Variants in TMEM54 observed in about 807,000 individuals in gnomAD.
TMEM54 encodes beta-casein-like protein.
In TMEM54, 21 loss-of-function variants were observed where a neutral mutation model predicts 21.3. The ratio of observed to expected loss-of-function variants is 0.99; its 90% confidence interval spans 0.70 to 1.42. The LOEUF (loss-of-function observed/expected upper bound fraction) is 1.42. TMEM54 is among the 40% of genes most tolerant of loss of function. The pLI, the probability that TMEM54 is intolerant of heterozygous loss-of-function variation, is 0.00. For synonymous variants in TMEM54, 109 were observed against 125.0 expected (o/e 0.87, Z 0.86); for missense variants, 246 against 294.0 (o/e 0.84, Z 1.19).
rs572529193 is a variant in TMEM54, at chr1:32,897,356, G to A, written c.210+770C>T. On this transcript the variant is annotated intron_variant, in intron 2 of 5. Transcript: ENST00000373463. The surrounding 1 kb of genome is among the most constrained non-coding windows in gnomAD (Gnocchi z 4.9). The stretch of plus-strand genomic sequence containing the variant: ...GGAACTCAGACACTGATGTGCGGGA[G>A]GATCTTCCCCCGAGGCTGTGGCCAC... Among the ~76,000 whole-genome samples, 94 of 152,322 alleles carry A rather than the reference G, an allele frequency of 6.2e-4. No individual in the cohort carries two copies. The highest frequency in any genetic ancestry group is 2.3e-3 in the African/African-American group (94 of 41,564).
Position 32,895,805 on chromosome 1 carries a change from C to T in TMEM54, c.271-62G>A. ...CTTGGCCCCCATGGGCAGCTCTGGC[C>T]TCCCTGAGGGTCAGCCTTACCCTCT... On this transcript the variant is annotated intron_variant, in intron 3 of 5. Coordinates refer to ENST00000373463, the MANE Select transcript of TMEM54 (RefSeq NM_033504.4). The surrounding 1 kb of genome is among the most constrained non-coding windows in gnomAD (Gnocchi z 5.8). 6.5e-7 allele frequency: 1 copy of T among 1,548,954 alleles called. No homozygotes were observed. Among genetic ancestry groups the T allele is most frequent in the Non-Finnish European group, 8.7e-7 (1 of 1,146,262 alleles).
Position 32,895,011 on chromosome 1 carries a change from C to T in TMEM54, c.595-132G>A, listed in dbSNP as rs758184497. ...GGCAAAGGGGCATCACTACCCACTC[C>T]ACTGCAAGAGCCAGGCCTGACCTTT... On this transcript the variant is annotated intron_variant, in intron 5 of 5. Coordinates refer to ENST00000373463, the MANE Select transcript of TMEM54 (RefSeq NM_033504.4). The surrounding 1 kb of genome is among the most constrained non-coding windows in gnomAD (Gnocchi z 5.8). 1.9e-5 allele frequency: 28 copies of T among 1,471,380 alleles called. No individual in the cohort carries two copies. Among genetic ancestry groups the T allele is most frequent in the Non-Finnish European group, 2.4e-5 (27 of 1,102,578 alleles). 91.1% of individuals were successfully genotyped at this position (1,471,380 alleles called of 1,614,324 possible). A position where few individuals can be genotyped will look rare whatever the true frequency, so the allele number is the denominator to read the frequency against.
rs571263997 is a variant in TMEM54 at position 32,896,638 on chromosome 1, G to A, written c.211-669C>T. 4.6e-5 allele frequency among the ~76,000 whole-genome samples: 7 copies of A among 152,380 alleles called. No homozygotes were observed. Among genetic ancestry groups the A allele is most frequent in the Non-Finnish European group, 8.8e-5 (6 of 68,042 alleles). ...CCCTAACCAGCCTCGATCCCAAGGG[G>A]TGGGGCTACCCCACAGTTCAGCCCA... On this transcript the variant is annotated intron_variant, in intron 2 of 5. Coordinates refer to ENST00000373463, the MANE Select transcript of TMEM54 (RefSeq NM_033504.4). This position sits in a 1 kb window ranked among gnomAD's most constrained non-coding sequence, Gnocchi z 4.1.
In TMEM54 at chr1:32,896,167, A is replaced by G. The variant is rs984267856; in HGVS notation, c.211-198T>C. The G allele has an allele frequency of 2.1e-5, 12 of 561,350 alleles. No individual in the cohort carries two copies. The highest frequency in any genetic ancestry group is 2.0e-4 in the Admixed American group (6 of 29,802). The allele number at this position is 561,350 out of a possible 1,614,324, so 34.8% of individuals were successfully genotyped here. On this transcript the variant is annotated intron_variant, in intron 2 of 5. Coordinates refer to ENST00000373463, the MANE Select transcript of TMEM54 (RefSeq NM_033504.4). This position sits in a 1 kb window ranked among gnomAD's most constrained non-coding sequence, Gnocchi z 4.1. ...GTCCAGCCTGACATGATGTTTCTAA[A>G]ACAGTCACTCCCTCTCTACAACCTT...
Position 32,901,089 on chromosome 1 carries a change from C to T in TMEM54, c.16+134G>A, listed in dbSNP as rs930567687. 4 of 979,460 alleles carry T rather than the reference C, an allele frequency of 4.1e-6. No homozygotes were observed. Among genetic ancestry groups the T allele is most frequent in the South Asian group, 8.9e-5 (2 of 22,546 alleles). 60.7% of individuals were successfully genotyped at this position (979,460 alleles called of 1,614,324 possible). ...AGGCCCAGAGAGGAAAGTGACCCGA[C>T]CCCGGCCTCGTAGTAAGTTAGAGGC... On this transcript the variant is annotated intron_variant, in intron 1 of 5. Transcript: ENST00000373463. The surrounding 1 kb of genome is among the most constrained non-coding windows in gnomAD (Gnocchi z 4.2).
chr1:32,901,170 C>G lies in TMEM54; in HGVS notation c.16+53G>C. 1 of 1,435,434 alleles carries G rather than the reference C, an allele frequency of 7.0e-7. No homozygotes were observed. The highest frequency in any genetic ancestry group is 1.5e-5 in the South Asian group (1 of 66,326). The allele number at this position is 1,435,434 out of a possible 1,614,324, so 88.9% of individuals were successfully genotyped here. ...GGGTTCCGGGCTCAGTGCTCCGCTCCTGTGGGAGGGTTGGGGTGGTTCGGG... is the reference window on the plus strand; with the variant it reads ...GGGTTCCGGGCTCAGTGCTCCGCTCGTGTGGGAGGGTTGGGGTGGTTCGGG... On this transcript the variant is annotated intron_variant, in intron 1 of 5. Transcript: ENST00000373463. The surrounding 1 kb of genome is among the most constrained non-coding windows in gnomAD (Gnocchi z 4.2).
chr1:32,900,585 A>C (rs1215927127), intron 1 of TMEM54, among the ~76,000 whole-genome samples: 1 of 152,196 alleles, frequency 6.6e-6, no homozygotes, highest in Non-Finnish European at 1.5e-5. Context: ...TACTCTTAGA[A>C]GCTGCCCTCA....
Position 32,895,222 on chromosome 1 carries a change from A to G in TMEM54, c.594+83T>C. ...CATTTCTCAAGGTGGGGGCCCATAC[A>G]TAGGGGTGGGGCAGAGCAGCTTGGG... is the stretch of plus-strand genomic sequence containing the variant. On this transcript the variant is annotated intron_variant, in intron 5 of 5. Transcript: ENST00000373463. The surrounding 1 kb of genome is among the most constrained non-coding windows in gnomAD (Gnocchi z 5.8). 1.3e-6 allele frequency: 2 copies of G among 1,504,732 alleles called. No individual in the cohort carries two copies. Among genetic ancestry groups the G allele is most frequent in the Non-Finnish European group, 9.0e-7 (1 of 1,117,066 alleles). The allele number at this position is 1,504,732 out of a possible 1,614,324, so 93.2% of individuals were successfully genotyped here.
In TMEM54 at chr1:32,901,130, G is replaced by T; in HGVS notation, c.16+93C>A. 1.5e-6 allele frequency: 2 copies of T among 1,301,012 alleles called. No homozygotes were observed. The highest frequency in any genetic ancestry group is 2.2e-5 in the South Asian group (1 of 44,528). 80.6% of individuals were successfully genotyped at this position (1,301,012 alleles called of 1,614,324 possible). ...AGTTAGAGGCAGAGCAGGTGGCCTG[G>T]CCCCCTGGGGGCTCGGGTTCCGGGC... On this transcript the variant is annotated intron_variant, in intron 1 of 5. Coordinates refer to ENST00000373463, the MANE Select transcript of TMEM54 (RefSeq NM_033504.4). The surrounding 1 kb of genome is among the most constrained non-coding windows in gnomAD (Gnocchi z 4.2).
chr1:32,894,707 A>G lies in TMEM54; in HGVS notation c.*98T>C. On this transcript the variant is annotated 3_prime_UTR_variant, in exon 6 of 6. Coordinates refer to ENST00000373463, the MANE Select transcript of TMEM54 (RefSeq NM_033504.4). ...CACTTGGGTCCCCGAGGGTCCATTG[A>G]GCCCTCTCAGGCCAGCTCCAGGAAT... 4.6e-6 allele frequency: 7 copies of G among 1,526,300 alleles called. No individual in the cohort carries two copies. The South Asian group carries it at 6.1e-5, about 13-fold the overall frequency. 94.5% of individuals were successfully genotyped at this position (1,526,300 alleles called of 1,614,324 possible). A position where few individuals can be genotyped will look rare whatever the true frequency, so the allele number is the denominator to read the frequency against.
In TMEM54 at chr1:32,901,268, T is replaced by A. The variant is rs1265269728; in HGVS notation, c.-30A>T. On this transcript the variant is annotated 5_prime_UTR_variant, in exon 1 of 6. The change creates a new upstream start codon in the 5' untranslated region. Transcript: ENST00000373463. The surrounding 1 kb of genome is among the most constrained non-coding windows in gnomAD (Gnocchi z 4.2). ...GCTCCGCGCTGGTCCCGCCCCCGGC[T>A]TCAGCGCGGCTCCCGAGGCTGCGGG... 7.2e-7 allele frequency: 1 copy of A among 1,394,580 alleles called. No individual in the cohort carries two copies. 86.4% of individuals were successfully genotyped at this position (1,394,580 alleles called of 1,614,324 possible).
At chr1:32,900,068 C>T (rs1284022336) in intron 1 of TMEM54, among the ~76,000 whole-genome samples, 1 of 149,758 alleles carries the variant, frequency 6.7e-6, no homozygotes, top group Non-Finnish European at 1.5e-5. Flanking sequence ...GAGCCTGACC[C>T]ACCTCACCCC....
chr1:32,901,172 G>T lies in TMEM54; in HGVS notation c.16+51C>A. 1 of 1,439,554 alleles carries T rather than the reference G, an allele frequency of 6.9e-7. No individual in the cohort carries two copies. The highest frequency in any genetic ancestry group is 9.3e-7 in the Non-Finnish European group (1 of 1,079,544). 89.2% of individuals were successfully genotyped at this position (1,439,554 alleles called of 1,614,324 possible). ...GTTCCGGGCTCAGTGCTCCGCTCCTGTGGGAGGGTTGGGGTGGTTCGGGGC... is the reference window on the plus strand; with the variant it reads ...GTTCCGGGCTCAGTGCTCCGCTCCTTTGGGAGGGTTGGGGTGGTTCGGGGC... On this transcript the variant is annotated intron_variant, in intron 1 of 5. Transcript: ENST00000373463. This position sits in a 1 kb window ranked among gnomAD's most constrained non-coding sequence, Gnocchi z 4.2.
At position 32,897,774 on chromosome 1, in the gene TMEM54, ACCT is replaced by A. The variant is rs2124048532; in HGVS notation, c.210+349_210+351del. On this transcript the variant is annotated intron_variant, in intron 2 of 5. Transcript: ENST00000373463. The surrounding 1 kb of genome is among the most constrained non-coding windows in gnomAD (Gnocchi z 4.9). ...AACCCTCCGGCACCCTCCCAAGCTCACCTCCTGCTCCTTTCTTCTGTCCAGTGG... is the reference window on the plus strand; with the variant it reads ...AACCCTCCGGCACCCTCCCAAGCTCACCTGCTCCTTTCTTCTGTCCAGTGG... 1 of 191,792 alleles carries A rather than the reference ACCT, an allele frequency of 5.2e-6. No homozygotes were observed. Among genetic ancestry groups the A allele is most frequent in the Non-Finnish European group, 1.1e-5 (1 of 93,344 alleles). 11.9% of individuals were successfully genotyped at this position (191,792 alleles called of 1,614,324 possible).
Position 32,895,998 on chromosome 1 carries a change from C to T in TMEM54, c.211-29G>A. 1 of 1,605,026 alleles carries T rather than the reference C, an allele frequency of 6.2e-7. No individual in the cohort carries two copies. The highest frequency in any genetic ancestry group is 8.5e-7 in the Non-Finnish European group (1 of 1,175,424). ...TAGGGAAGGCTCAAGTCAGCCCTGA[C>T]TCCTTGGCTGGAGGAACAGGGGCAG... On this transcript the variant is annotated intron_variant, in intron 2 of 5. Transcript: ENST00000373463. The surrounding 1 kb of genome is among the most constrained non-coding windows in gnomAD (Gnocchi z 5.8).
chr1:32,900,595 A>C (rs561703901), intron 1 of TMEM54, among the ~76,000 whole-genome samples: 53 of 152,260 alleles, frequency 3.5e-4, no homozygotes, highest in African/African-American at 1.2e-3. Flanking sequence ...AGCTGCCCTC[A>C]TCCTCATAGT....
chr1:32,899,391 G>GAAAAA (rs11284140), intron 1 of TMEM54, among the ~76,000 whole-genome samples: 1 of 122,998 alleles, frequency 8.1e-6, no homozygotes, highest in Admixed American at 8.3e-5. Context: ...CTCTGCAGCT[G>GAAAAA]AAAAAAAAAA....
chr1:32,896,292 T>C lies in TMEM54; in HGVS notation c.211-323A>G, dbSNP rs565321829. The C allele has an allele frequency of 3.5e-4, 87 of 248,878 alleles. No homozygotes were observed. Among genetic ancestry groups the C allele is most frequent in the African/African-American group, 1.8e-3 (79 of 44,926 alleles). The allele number at this position is 248,878 out of a possible 1,614,324, so 15.4% of individuals were successfully genotyped here. A position where few individuals can be genotyped will look rare whatever the true frequency, so the allele number is the denominator to read the frequency against. On this transcript the variant is annotated intron_variant, in intron 2 of 5. Coordinates refer to ENST00000373463, the MANE Select transcript of TMEM54 (RefSeq NM_033504.4). This position sits in a 1 kb window ranked among gnomAD's most constrained non-coding sequence, Gnocchi z 4.1. The stretch of plus-strand genomic sequence containing the variant: ...ATGCATGGGACACCCCTTTCTGGAA[T>C]GAAAAAGATTGTGGAAGAAACTAAC...
In TMEM54 at chr1:32,894,649, G is replaced by A; in HGVS notation, c.*156C>T. 1 of 899,214 alleles carries A rather than the reference G, an allele frequency of 1.1e-6. No homozygotes were observed. The highest frequency in any genetic ancestry group is 2.5e-5 in the Admixed American group (1 of 40,756). 55.7% of individuals were successfully genotyped at this position (899,214 alleles called of 1,614,324 possible). On this transcript the variant is annotated 3_prime_UTR_variant, in exon 6 of 6. Coordinates refer to ENST00000373463, the MANE Select transcript of TMEM54 (RefSeq NM_033504.4). The stretch of plus-strand genomic sequence containing the variant: ...GAATAAAGTCTCATTTCAGTGCAGT[G>A]GGCTGGGTGGTGGGGGAGAGGGTTG...
Sources: gnomAD v4.1 joint callset for allele counts (sites outside exome capture counted in the v4.1 genomes callset) on GRCh38, gnomAD v4.1.1 for gene constraint, Gnocchi (gnomAD v3.1) non-coding constraint, MANE v1.5 for transcripts, NCBI Gene and HGNC (gene_info 2026-07-23, HGNC 2026-07-21) for gene names.